The following SYT1 variants were observed in gnomAD, a reference collection of about 807,000 sequenced individuals.
SYT1 encodes synaptotagmin 1.
A neutral mutation model predicts 44.8 loss-of-function variants in SYT1; 8 were observed. The observed-to-expected ratio is 0.18, with a 90% CI of 0.10 to 0.32. SYT1 has a LOEUF of 0.32. Among genes scored for constraint, SYT1 ranks in the 10% least tolerant of loss-of-function variants. The pLI is 1.00. For missense variants in SYT1, 286 were observed against 509.3 expected (o/e 0.56, Z 4.22); for synonymous variants, 154 against 188.8 (o/e 0.82, Z 1.51).
chr12:79,022,001 A>G (rs903857441), intron 2 of SYT1, among the ~76,000 whole-genome samples: 1 of 151,754 alleles, frequency 6.6e-6, no homozygotes, highest in African/African-American at 2.4e-5. Context: ...CACTGAGGAC[A>G]GTGTAAAACA....
chr12:79,082,790 A>C (rs977605110), intron 3 of SYT1, among the ~76,000 whole-genome samples: 3 of 152,150 alleles, frequency 2.0e-5, no homozygotes, highest in Non-Finnish European at 4.4e-5. Context: ...GGGAGGTCCA[A>C]GGTGAGGCCC....
At chr12:79,114,081 A>C (rs1431179855) in intron 3 of SYT1, among the ~76,000 whole-genome samples, 1 of 152,130 alleles carries the variant, frequency 6.6e-6, no homozygotes, top group Non-Finnish European at 1.5e-5. Flanking sequence ...AAAGACAAGG[A>C]AAGAGCCTGA....
intron 3 of SYT1, among the ~76,000 whole-genome samples, chr12:79,153,673 C>A (rs1870416924): frequency 6.6e-6 from 1 of 152,114 alleles, no homozygotes; most frequent in African/African-American, 2.4e-5. Flanking sequence ...GTTAAGTGGA[C>A]TTCATAGATG....
chr12:79,054,548 A>G (rs962224534), intron 3 of SYT1, among the ~76,000 whole-genome samples: 13 of 151,998 alleles, frequency 8.6e-5, no homozygotes, highest in Non-Finnish European at 8.8e-5. Context: ...ATTTTTATAC[A>G]TGCTACATTA....
chr12:78,890,144 T>G lies in SYT1; in HGVS notation c.-217+25035T>G, dbSNP rs1202642543. ...TTTTTCTTTTCAAGCAGTGCTTTTA[T>G]TTCTTACAATCTGTACAATAAGGTG... On this transcript the variant is annotated intron_variant, in intron 1 of 10. Transcript: ENST00000261205. Among the ~76,000 whole-genome samples, 3 of 152,118 alleles carry G rather than the reference T, an allele frequency of 2.0e-5. No individual in the cohort carries two copies. The East Asian group carries it at 5.8e-4, about 30-fold the overall frequency.
intron 1 of SYT1, among the ~76,000 whole-genome samples, chr12:78,867,058 G>GAAA (rs35154964): frequency 7.0e-6 from 1 of 143,142 alleles, no homozygotes; most frequent in Non-Finnish European, 1.5e-5. Context: ...ACATTTAAAT[G>GAAA]AAAAAAAAAA....
At chr12:78,990,896 A>C (rs1418683684) in intron 2 of SYT1, among the ~76,000 whole-genome samples, 2 of 152,298 alleles carry the variant, frequency 1.3e-5, no homozygotes, top group South Asian at 4.1e-4. Context: ...AGAAATACGA[A>C]AGGCAAGGGA....
At chr12:79,057,827 A>T (rs1279562869) in intron 3 of SYT1, among the ~76,000 whole-genome samples, 1 of 151,960 alleles carries the variant, frequency 6.6e-6, no homozygotes, top group African/African-American at 2.4e-5. Context: ...ACCAAAAATT[A>T]TGGCTTCAGG....
intron 10 of SYT1, among the ~76,000 whole-genome samples, chr12:79,446,549 C>T (rs1488795069): frequency 1.3e-5 from 2 of 152,112 alleles, no homozygotes; most frequent in Non-Finnish European, 2.9e-5. Context: ...CTGGTAGCTA[C>T]TCTGTAGTAT....
At chr12:79,045,284 G>A (rs536626145) in intron 2 of SYT1, among the ~76,000 whole-genome samples, 14 of 152,210 alleles carry the variant, frequency 9.2e-5, no homozygotes, top group South Asian at 2.1e-4. Context: ...CTACGTGGGC[G>A]TAGGACCCGC....
intron 2 of SYT1, among the ~76,000 whole-genome samples, chr12:78,995,310 T>C (rs1036459618): frequency 6.6e-5 from 10 of 152,216 alleles, no homozygotes; most frequent in Non-Finnish European, 1.0e-4. Context: ...AAACCCATTG[T>C]GGTGATTCAT....
chr12:78,884,853 T>C (rs1203875758), intron 1 of SYT1, among the ~76,000 whole-genome samples: 1 of 151,872 alleles, frequency 6.6e-6, no homozygotes, highest in African/African-American at 2.4e-5. Flanking sequence ...GTTTTAAAAG[T>C]GTTTATAAAA....
At chr12:78,899,026 T>C (rs1435674878) in intron 1 of SYT1, among the ~76,000 whole-genome samples, 1 of 152,100 alleles carries the variant, frequency 6.6e-6, no homozygotes, top group East Asian at 1.9e-4. Context: ...TACTATTTGC[T>C]CAACACTGGC....
intron 3 of SYT1, among the ~76,000 whole-genome samples, chr12:79,183,728 T>C (rs1297349466): frequency 3.9e-5 from 6 of 152,046 alleles, no homozygotes; most frequent in Admixed American, 3.9e-4. Context: ...ACAGAGAATG[T>C]TCAGGTTAGA....
At chr12:79,342,608 T>TA (rs1450799392) in intron 8 of SYT1, among the ~76,000 whole-genome samples, 1 of 152,230 alleles carries the variant, frequency 6.6e-6, no homozygotes, top group East Asian at 1.9e-4. Context: ...GAGTAATCTA[T>TA]ATGAGAGATT....
At chr12:79,326,183 A>G (rs1439391477) in intron 8 of SYT1, among the ~76,000 whole-genome samples, 1 of 152,238 alleles carries the variant, frequency 6.6e-6, no homozygotes, top group Non-Finnish European at 1.5e-5. Context: ...AGTGATCAAG[A>G]AAACCTTTAG....
At chr12:79,448,822 C>A in intron 10 of SYT1, 96 bp from the exon 11 acceptor site, 1 of 1,075,364 alleles carries the variant, frequency 9.3e-7, no homozygotes, top group Non-Finnish European at 1.4e-6. Context: ...GAGATTGATT[C>A]TTCTATTTCC....
At chr12:79,168,841 C>A (rs940555187) in intron 3 of SYT1, among the ~76,000 whole-genome samples, 1 of 151,956 alleles carries the variant, frequency 6.6e-6, no homozygotes, top group Non-Finnish European at 1.5e-5. Context: ...TTTAACGAGG[C>A]CTCAGTGATA....
intron 4 of SYT1, among the ~76,000 whole-genome samples, chr12:79,220,566 T>C (rs1206735394): frequency 1.3e-5 from 2 of 152,124 alleles, no homozygotes; most frequent in Non-Finnish European, 2.9e-5. Flanking sequence ...AAATTCCCTC[T>C]TAGAACTGCT....
Sources: allele counts gnomAD v4.1 joint callset (sites outside exome capture counted in the v4.1 genomes callset), GRCh38; gene constraint gnomAD v4.1.1; transcripts MANE v1.5; gene names NCBI Gene and HGNC (gene_info 2026-07-23, HGNC 2026-07-21).